LIN7B: variants seen among roughly 807,000 people sequenced by gnomAD.
LIN7B encodes protein lin-7 homolog B.
LIN7B carries 16 observed loss-of-function variants against 27.9 expected under a neutral mutation model. The ratio of observed to expected loss-of-function variants is 0.57; its 90% CI spans 0.39 to 0.87. The LOEUF (loss-of-function observed/expected upper bound fraction) is 0.87, where lower values mean the gene tolerates loss of function less well. Ranked by LOEUF, LIN7B falls within the 40% of genes least tolerant of loss-of-function variation. The probability of loss-of-function intolerance (pLI) is 0.00; values close to 1 mark genes in which losing one functional copy is unlikely to be tolerated. For synonymous variants in LIN7B, 147 were observed against 120.8 expected (o/e 1.22, Z -1.42); for missense variants, 291 against 288.5 (o/e 1.01, Z -0.06).
At chr19:49,114,641 A>T (rs1366071336) in intron 1 of LIN7B, 200 bp downstream of exon 1, 4 of 465,996 alleles carry the variant, frequency 8.6e-6, no homozygotes, top group Non-Finnish European at 1.4e-5. Context: ...CGCCCGCCTT[A>T]CAACCCGGCC....
At chr19:49,114,561 C>A (rs905111733) in intron 1 of LIN7B, 120 bp downstream of exon 1, 6 of 799,928 alleles carry the variant, frequency 7.5e-6, no homozygotes, top group South Asian at 6.3e-5. Flanking sequence ...AGGGGGTGGG[C>A]GGGGCGGGCG....
intron 4 of LIN7B, among the ~76,000 whole-genome samples, chr19:49,116,831 A>T (rs1450844413): frequency 3.9e-5 from 6 of 152,234 alleles, no homozygotes; most frequent in Non-Finnish European, 5.9e-5. Context: ...CTCCAGGCAA[A>T]CAAGGTACAG....
intron 4 of LIN7B, among the ~76,000 whole-genome samples, chr19:49,117,356 G>C (rs539682840): frequency 6.6e-6 from 1 of 152,070 alleles, no homozygotes; most frequent in Non-Finnish European, 1.5e-5. Context: ...TGAGAAGCTG[G>C]GACTTTGTCC....
rs750351904 is a variant in LIN7B, at chr19:49,116,441, G to A, written c.407G>A (p.Arg136His). ...GVADRHGGLK[R>H]GDQLLSVNGV... ...GCTGACCGCCATGGAGGCCTCAAGCGTGGGGATCAACTGTTGTCGGTGAAC... is the reference window on the plus strand; with the variant it reads ...GCTGACCGCCATGGAGGCCTCAAGCATGGGGATCAACTGTTGTCGGTGAAC... The change falls in exon 4 of 6, where the codon CGT becomes CAT. Residue 136 changes from arginine to histidine, a missense_variant. By Grantham distance (29) the Arg-to-His change is conservative. Transcript: ENST00000221459. 21 of 1,614,108 alleles carry A rather than the reference G, an allele frequency of 1.3e-5. No homozygotes were observed. The highest frequency in any genetic ancestry group is 5.0e-5 in the Admixed American group (3 of 60,008).
chr19:49,117,569 G>A (rs1290657752), intron 4 of LIN7B, among the ~76,000 whole-genome samples: 1 of 151,310 alleles, frequency 6.6e-6, no homozygotes, highest in African/African-American at 2.4e-5. Context: ...AAAAGAGGGA[G>A]TCAAGGCGGG....
At chr19:49,117,541 C>T (rs1380807510) in intron 4 of LIN7B, among the ~76,000 whole-genome samples, 1 of 152,074 alleles carries the variant, frequency 6.6e-6, no homozygotes, top group Non-Finnish European at 1.5e-5. Context: ...CTGAGCTGGC[C>T]CAGGGCTGTG....
At chr19:49,115,406 C>T in intron 3 of LIN7B, 75 bp downstream of exon 3, 1 of 1,293,980 alleles carries the variant, frequency 7.7e-7, no homozygotes, top group Non-Finnish European at 1.1e-6. Context: ...TCATGCCAGT[C>T]ATTTCTGTTT....
chr19:49,118,347 T>G lies in LIN7B; in HGVS notation c.603-5T>G. On this transcript the variant is annotated splice_region_variant and splice_polypyrimidine_tract_variant and intron_variant, in intron 5 of 5. Transcript: ENST00000221459. ...TCCCGGGTCCCTTGTCCACCCCCCT[T>G]GCAGGTCCTTGGAGTCTCGAGGTTG... 6.2e-7 allele frequency: 1 copy of G among 1,614,132 alleles called. No homozygotes were observed. The highest frequency in any genetic ancestry group is 1.3e-5 in the African/African-American group (1 of 75,036).
chr19:49,114,538 C>A, intron 1 of LIN7B, 97 bp downstream of exon 1: 1 of 969,348 alleles, frequency 1.0e-6, no homozygotes, highest in Non-Finnish European at 1.3e-6. Flanking sequence ...TGCGGGTGGG[C>A]CAGCGGACCC....
At chr19:49,116,648 T>G (rs916922911) in intron 4 of LIN7B, among the ~76,000 whole-genome samples, 176 bp downstream of exon 4, 2 of 152,364 alleles carry the variant, frequency 1.3e-5, no homozygotes, top group Admixed American at 1.3e-4. Flanking sequence ...CAACCTTCTC[T>G]CTCTGGGGAG....
At position 49,118,460 on chromosome 19, in the gene LIN7B, A is replaced by C. The variant is rs2040874769; in HGVS notation, c.*87A>C. On this transcript the variant is annotated 3_prime_UTR_variant, in exon 6 of 6. Transcript: ENST00000221459. ...CTTTATTTAAAGATATTTGACCCTC[A>C]CTGAGTGTCTGTGTGTCTGTCCTGC... 13 of 1,576,182 alleles carry C rather than the reference A, an allele frequency of 8.2e-6. No homozygotes were observed. The highest frequency in any genetic ancestry group is 1.0e-5 in the Non-Finnish European group (12 of 1,145,968).
chr19:49,118,249 T>G, intron 5 of LIN7B, 103 bp from the exon 6 acceptor site: 1 of 1,403,990 alleles, frequency 7.1e-7, no homozygotes, highest in Non-Finnish European at 1.0e-6. Flanking sequence ...CTGGGATCCC[T>G]CAGCCCACTT....
Position 49,114,901 on chromosome 19 carries a change from G to T in LIN7B, c.90G>T (p.Leu30=). 6.8e-7 allele frequency: 1 copy of T among 1,471,436 alleles called. No individual in the cohort carries two copies. 91.1% of individuals were successfully genotyped at this position (1,471,436 alleles called of 1,614,324 possible). A position where few individuals can be genotyped will look rare whatever the true frequency, so the allele number is the denominator to read the frequency against. ...AGCGGCTCCAGCGCAGCGGGGAGCT[G>T]CCGCCGCAGAAGCTGCAGGCCCTCC... is the stretch of plus-strand genomic sequence containing the variant. ...LLERLQRSGE[L]PPQKLQALQR... is the part of the protein sequence containing the mutation. The change falls in exon 2 of 6, where the codon CTG becomes CTT. Residue 30 remains leucine (L), a synonymous_variant. Coordinates refer to ENST00000221459, the MANE Select transcript of LIN7B (RefSeq NM_022165.3).
intron 2 of LIN7B, 130 bp downstream of exon 2, chr19:49,115,097 C>T: frequency 2.2e-6 from 2 of 891,746 alleles, no homozygotes; most frequent in Middle Eastern, 2.4e-4. Flanking sequence ...GGTGCCAACG[C>T]TTCAGCTCAG....
chr19:49,115,213 G>A, intron 2 of LIN7B, 47 bp from the exon 3 acceptor site: 1 of 1,517,374 alleles, frequency 6.6e-7, no homozygotes, highest in Non-Finnish European at 8.9e-7. Flanking sequence ...CTGCGTCTAG[G>A]GCTGGAGGAG....
rs772062513 is a variant in LIN7B at position 49,118,339 on chromosome 19, A to AC, written c.603-7dup. ...CTCCCTGATCCCGGGTCCCTTGTCCACCCCCCTTGCAGGTCCTTGGAGTCT... is the reference window on the plus strand; with the variant it reads ...CTCCCTGATCCCGGGTCCCTTGTCCACCCCCCCTTGCAGGTCCTTGGAGTCT... On this transcript the variant is annotated splice_polypyrimidine_tract_variant and intron_variant, in intron 5 of 5. Coordinates refer to ENST00000221459, the MANE Select transcript of LIN7B (RefSeq NM_022165.3). The AC allele has an allele frequency of 2.5e-6, 4 of 1,612,428 alleles. No individual in the cohort carries two copies. The highest frequency in any genetic ancestry group is 2.7e-5 in the African/African-American group (2 of 74,408).
rs2040797985 is a variant in LIN7B at position 49,114,837 on chromosome 19, C to T, written c.38-12C>T. The stretch of plus-strand genomic sequence containing the variant: ...ACACTCGGGGTTTCTGCGCCCCGCC[C>T]CCGCCCCGCAGACGTGTCCCGGGCG... On this transcript the variant is annotated splice_polypyrimidine_tract_variant and intron_variant, in intron 1 of 5. Transcript: ENST00000221459. The T allele has an allele frequency of 7.8e-6, 11 of 1,414,584 alleles. No individual in the cohort carries two copies. Among genetic ancestry groups the T allele is most frequent in the Non-Finnish European group, 9.2e-6 (10 of 1,081,388 alleles). The allele number at this position is 1,414,584 out of a possible 1,614,324, so 87.6% of individuals were successfully genotyped here.
rs771860345 is a variant in LIN7B at position 49,115,284 on chromosome 19, C to A, written c.181C>A (p.Leu61Met). Residue 61 changes from leucine (L) to methionine (M), a missense_variant, in exon 3 of 6, where the codon CTG (leucine) becomes ATG (methionine). Transcript: ENST00000221459. ...GGTGTATGAGCAGCTTTATGACACG[C>A]TGGACATCACCGGCAGCGCCGAGAT... The part of the protein sequence containing the change: ...REVYEQLYDT[L>M]DITGSAEIRA... The A allele has an allele frequency of 2.4e-5, 38 of 1,564,114 alleles. No individual in the cohort carries two copies. Among genetic ancestry groups the A allele is most frequent in the Non-Finnish European group, 3.0e-5 (35 of 1,153,478 alleles).
In LIN7B at chr19:49,117,841, G is replaced by A. The variant is rs772876867; in HGVS notation, c.439-14G>A. ...GCGGGCCCCAGGCTCAGCTGTCTGTGTTGGGCCCTGCAGAGCGTTGAGGGT... is the reference window on the plus strand; with the variant it reads ...GCGGGCCCCAGGCTCAGCTGTCTGTATTGGGCCCTGCAGAGCGTTGAGGGT... On this transcript the variant is annotated splice_polypyrimidine_tract_variant and intron_variant, in intron 4 of 5. Coordinates refer to ENST00000221459, the MANE Select transcript of LIN7B (RefSeq NM_022165.3). 9 of 1,612,352 alleles carry A rather than the reference G, an allele frequency of 5.6e-6. No homozygotes were observed. Among genetic ancestry groups the A allele is most frequent in the Non-Finnish European group, 6.8e-6 (8 of 1,178,718 alleles).
Sources: allele counts gnomAD v4.1 joint callset (sites outside exome capture counted in the v4.1 genomes callset), GRCh38; gene constraint gnomAD v4.1.1; transcripts MANE v1.5; gene names NCBI Gene and HGNC (gene_info 2026-07-23, HGNC 2026-07-21).